ASB5: variants seen among roughly 807,000 people sequenced by gnomAD.
ASB5 encodes the protein ankyrin repeat and SOCS box protein 5.
Under a neutral mutation model 42.1 loss-of-function variants are expected in ASB5, and 45 were observed. The ratio of observed to expected loss-of-function variants is 1.07; its 90% CI spans 0.84 to 1.37. ASB5 has a LOEUF of 1.37. ASB5 is among the 40% of genes most tolerant of loss of function. The pLI is 0.00. For missense variants in ASB5, 402 were observed against 399.8 expected (o/e 1.01, Z -0.05); for synonymous variants, 147 against 150.6 (o/e 0.98, Z 0.18).
At chr4:176,230,767 G>A (rs960118341) in intron 1 of ASB5, among the ~76,000 whole-genome samples, 1 of 152,110 alleles carries the variant, frequency 6.6e-6, no homozygotes, top group African/African-American at 2.4e-5. Flanking sequence ...AGATTTACGA[G>A]CCATCTCAAG....
At chr4:176,254,007 T>G (rs1294615405) in intron 1 of ASB5, among the ~76,000 whole-genome samples, 1 of 152,166 alleles carries the variant, frequency 6.6e-6, no homozygotes, top group African/African-American at 2.4e-5. Context: ...GATTCAGTGT[T>G]ACTTCTGCCA....
chr4:176,262,135 T>C (rs759817173), intron 1 of ASB5, among the ~76,000 whole-genome samples: 99 of 152,224 alleles, frequency 6.5e-4, no homozygotes, highest in Non-Finnish European at 1.4e-3. Context: ...AAAGAGATAG[T>C]AAATTGAGAA....
At chr4:176,255,001 G>A (rs568207903) in intron 1 of ASB5, among the ~76,000 whole-genome samples, 246 of 152,120 alleles carry the variant, frequency 1.6e-3, no homozygotes, top group African/African-American at 5.6e-3. Context: ...ATGGTGGCGC[G>A]TGCCTGTAAT....
At chr4:176,225,673 C>G (rs1006444864) in intron 1 of ASB5, among the ~76,000 whole-genome samples, 1 of 152,182 alleles carries the variant, frequency 6.6e-6, no homozygotes, top group African/African-American at 2.4e-5. Flanking sequence ...TCAGTACAAC[C>G]TCTGTCTCCC....
At chr4:176,271,178 A>G (rs1754462529), upstream of ASB5, among the ~76,000 whole-genome samples, 1 of 152,166 alleles carries the variant, frequency 6.6e-6, no homozygotes, top group African/African-American at 2.4e-5. Context: ...CTTGATTCCC[A>G]TTTGTATGTT....
At chr4:176,251,564 T>TAAAA (rs34392287) in intron 1 of ASB5, among the ~76,000 whole-genome samples, 106 of 10,378 alleles carry the variant, frequency 0.01, 17 homozygotes, top group African/African-American at 0.04. Flanking sequence ...TCTGTCTCAT[T>TAAAA]AAAAAAAAAA....
At chr4:176,247,529 A>G (rs1472157755) in intron 1 of ASB5, among the ~76,000 whole-genome samples, 1 of 152,216 alleles carries the variant, frequency 6.6e-6, no homozygotes, top group Admixed American at 6.5e-5. Context: ...GCATGAATAA[A>G]CACTAGACTT....
intron 1 of ASB5, among the ~76,000 whole-genome samples, chr4:176,257,921 G>A (rs1754186144): frequency 6.6e-6 from 1 of 152,160 alleles, no homozygotes; most frequent in Non-Finnish European, 1.5e-5. Context: ...CCTCTGAAAC[G>A]ATCTAACCAA....
intron 2 of ASB5, among the ~76,000 whole-genome samples, chr4:176,274,649 G>A (rs1477542104): frequency 1.3e-5 from 2 of 152,166 alleles, no homozygotes; most frequent in Non-Finnish European, 2.9e-5. Context: ...GATCTACAGT[G>A]TACATTTGTG....
chr4:176,250,969 T>C (rs936838651), intron 1 of ASB5, among the ~76,000 whole-genome samples: 1 of 152,158 alleles, frequency 6.6e-6, no homozygotes, highest in African/African-American at 2.4e-5. Context: ...ATCTACCAAC[T>C]GCCAGCTTGA....
rs769090411 is a variant in ASB5, at chr4:176,222,403, T to C, written c.294A>G (p.Ala98=). The C allele has an allele frequency of 1.2e-6, 2 of 1,613,090 alleles. No individual in the cohort carries two copies. The highest frequency in any genetic ancestry group is 4.5e-5 in the East Asian group (2 of 44,876). The change falls in exon 3 of 7, where the codon GCA becomes GCG. Residue 98 remains alanine (A), a synonymous_variant. Transcript: ENST00000296525. ...TLLSQGYNVN[A]VTLDHVTPLH... ...ATGGGGTGACATGGTCTAAGGTTAC[T>C]GCATTTACATTATAACCCTAAATGT...
chr4:176,248,519 C>T (rs1753955515), intron 1 of ASB5, among the ~76,000 whole-genome samples: 1 of 152,130 alleles, frequency 6.6e-6, no homozygotes, highest in Admixed American at 6.5e-5. Flanking sequence ...CAGGGCAATA[C>T]TGTCTTAGAA....
At chr4:176,271,775 G>A (rs949539225), upstream of ASB5, among the ~76,000 whole-genome samples, 1 of 152,114 alleles carries the variant, frequency 6.6e-6, no homozygotes, top group Middle Eastern at 3.4e-3. Flanking sequence ...GAAAAGTTGG[G>A]CTCAGAGAGC....
At chr4:176,270,386 G>A (rs1023663593), upstream of ASB5, among the ~76,000 whole-genome samples, 3 of 152,030 alleles carry the variant, frequency 2.0e-5, no homozygotes, top group African/African-American at 7.2e-5. Flanking sequence ...TCTCTCCCTC[G>A]GTGTATCCAT....
At chr4:176,229,012 A>G (rs1753452700) in intron 1 of ASB5, among the ~76,000 whole-genome samples, 1 of 152,238 alleles carries the variant, frequency 6.6e-6, no homozygotes, top group African/African-American at 2.4e-5. Context: ...CAGATTGCAT[A>G]TGTGAAGCCA....
chr4:176,242,390 T>C (rs1394484113), intron 1 of ASB5, among the ~76,000 whole-genome samples: 3 of 152,304 alleles, frequency 2.0e-5, no homozygotes, highest in African/African-American at 7.2e-5. Flanking sequence ...GCTCTTGGAG[T>C]TCTTCTGAGG....
chr4:176,244,607 C>T (rs1753873466), intron 1 of ASB5, among the ~76,000 whole-genome samples: 1 of 152,138 alleles, frequency 6.6e-6, no homozygotes, highest in Admixed American at 6.5e-5. Flanking sequence ...TAAACAGTCA[C>T]TTGAGTTAAG....
intron 1 of ASB5, among the ~76,000 whole-genome samples, chr4:176,231,843 T>A (rs973824157): frequency 2.7e-5 from 4 of 148,490 alleles, no homozygotes; most frequent in African/African-American, 1.0e-4. Context: ...AGACTCTGTC[T>A]CAAAACAAAA....
intron 1 of ASB5, among the ~76,000 whole-genome samples, chr4:176,227,386 A>C (rs1297051763): frequency 6.6e-6 from 1 of 152,218 alleles, no homozygotes; most frequent in Non-Finnish European, 1.5e-5. Context: ...AAATTCTGTA[A>C]TATTACCAGA....
Sources: allele counts gnomAD v4.1 joint callset (sites outside exome capture counted in the v4.1 genomes callset), GRCh38; gene constraint gnomAD v4.1.1; transcripts MANE v1.5; gene names NCBI Gene and HGNC (gene_info 2026-07-23, HGNC 2026-07-21).